The following PLEKHG1 variants were observed in gnomAD, a reference collection of about 807,000 sequenced individuals.
PLEKHG1 encodes the protein pleckstrin homology and RhoGEF domain containing G1.
In PLEKHG1, 44 loss-of-function variants were observed where a neutral mutation model predicts 100.8. That is an observed-to-expected ratio of 0.44 (90% CI 0.34 to 0.56). PLEKHG1 has a LOEUF of 0.56. PLEKHG1 is among the 20% of genes least tolerant of loss of function. The pLI is 0.01. For synonymous variants in PLEKHG1, 640 were observed against 662.5 expected (o/e 0.97, Z 0.52); for missense variants, 1,545 against 1,720.9 (o/e 0.90, Z 1.81).
rs748026867 is a variant in PLEKHG1 at position 150,831,476 on chromosome 6, A to G, written c.2365A>G (p.Ser789Gly). 1 of 1,614,146 alleles carries G rather than the reference A, an allele frequency of 6.2e-7. No individual in the cohort carries two copies. The highest frequency in any genetic ancestry group is 1.1e-5 in the South Asian group (1 of 91,082). Residue 789 changes from serine (S) to glycine (G), a missense_variant, in exon 15 of 16, where the codon AGC becomes GGC. By Grantham distance (56) the Ser-to-Gly change is moderately conservative. Coordinates refer to ENST00000358517, the Ensembl canonical transcript of PLEKHG1. The surrounding 1 kb of genome is among the most constrained non-coding windows in gnomAD (Gnocchi z 4.1). ...CCTGAGGCCATTTGTTTCCCAAGAC[A>G]GCCTCCAGCTCAGTGAGGACGAAGC...
At chr6:150,672,910 ACT>A (rs1233950938) in intron 3 of PLEKHG1, among the ~76,000 whole-genome samples, 4 of 152,008 alleles carry the variant, frequency 2.6e-5, no homozygotes, top group African/African-American at 4.8e-5. Context: ...CTGCATATCA[ACT>A]CTCTGCTTAT....
intron 3 of PLEKHG1, among the ~76,000 whole-genome samples, chr6:150,772,235 T>C (rs1784747127): frequency 1.3e-5 from 2 of 152,236 alleles, no homozygotes; most frequent in Admixed American, 1.3e-4. Flanking sequence ...TGTGCAGAAT[T>C]GGCTCAGGGA....
At chr6:150,816,716 A>C (rs905204749) in intron 10 of PLEKHG1, among the ~76,000 whole-genome samples, 4 of 152,134 alleles carry the variant, frequency 2.6e-5, no homozygotes, top group Admixed American at 6.6e-5. Flanking sequence ...GATGCAGCTT[A>C]ATTGCTCCTT....
chr6:150,632,546 C>G (rs1314912260), intron 1 of PLEKHG1, among the ~76,000 whole-genome samples: 1 of 152,248 alleles, frequency 6.6e-6, no homozygotes, highest in Non-Finnish European at 1.5e-5. Flanking sequence ...ATTGGCCATA[C>G]CCCTCTACCT....
chr6:150,781,129 C>T (rs1432143799), intron 3 of PLEKHG1, among the ~76,000 whole-genome samples: 2 of 150,354 alleles, frequency 1.3e-5, no homozygotes, highest in Middle Eastern at 3.4e-3. Flanking sequence ...CCTGCCTCGG[C>T]CTCCCAAAGT....
chr6:150,716,959 C>T (rs1781469273), upstream of PLEKHG1, among the ~76,000 whole-genome samples: 1 of 152,140 alleles, frequency 6.6e-6, no homozygotes, highest in African/African-American at 2.4e-5. Flanking sequence ...TCAAGCCATG[C>T]TCCGACCTCA....
intron 3 of PLEKHG1, among the ~76,000 whole-genome samples, chr6:150,710,827 T>C (rs987794379): frequency 3.9e-5 from 6 of 152,100 alleles, no homozygotes; most frequent in African/African-American, 7.2e-5. Context: ...TTCTCAACCT[T>C]CAGATGTCAG....
chr6:150,623,586 A>G (rs1777396715), intron 1 of PLEKHG1, among the ~76,000 whole-genome samples: 1 of 152,216 alleles, frequency 6.6e-6, no homozygotes, highest in Non-Finnish European at 1.5e-5. Flanking sequence ...CTTCTAATCC[A>G]GTGTTCAGCC....
intron 1 of PLEKHG1, among the ~76,000 whole-genome samples, chr6:150,628,527 A>AACACAC (rs565121317): frequency 0.12 from 10,907 of 94,650 alleles, 739 homozygotes; most frequent in Middle Eastern, 0.14. Context: ...TAGATAGGAA[A>AACACAC]ACACACACAC....
intron 6 of PLEKHG1, among the ~76,000 whole-genome samples, chr6:150,803,098 C>G (rs1405578913): frequency 6.6e-6 from 1 of 152,144 alleles, no homozygotes; most frequent in African/African-American, 2.4e-5. Flanking sequence ...TTAAATTTGC[C>G]ATCTAGGATC....
intron 2 of PLEKHG1, among the ~76,000 whole-genome samples, chr6:150,753,927 A>G (rs528485877): frequency 1.3e-5 from 2 of 152,336 alleles, no homozygotes; most frequent in South Asian, 2.1e-4. Flanking sequence ...TGCTCTGCAC[A>G]TTGCTCATTT....
chr6:150,788,227 A>C (rs1259084547), intron 4 of PLEKHG1, among the ~76,000 whole-genome samples: 3 of 152,282 alleles, frequency 2.0e-5, no homozygotes, highest in Admixed American at 1.3e-4. Flanking sequence ...TTTCGCATGG[A>C]AACAGGGAAT....
intron 2 of PLEKHG1, among the ~76,000 whole-genome samples, chr6:150,639,045 T>A (rs1391125207): frequency 6.6e-6 from 1 of 152,226 alleles, no homozygotes; most frequent in East Asian, 1.9e-4. Context: ...GCCCATTTCT[T>A]TTGGGAAGGC....
At chr6:150,604,710 G>A (rs988371335) in intron 1 of PLEKHG1, among the ~76,000 whole-genome samples, 1 of 152,136 alleles carries the variant, frequency 6.6e-6, no homozygotes, top group African/African-American at 2.4e-5. Context: ...TTTGCCCTGG[G>A]GCTAGAAGTC....
At chr6:150,838,320 C>A (rs968363878) in intron 15 of PLEKHG1, among the ~76,000 whole-genome samples, 1 of 152,190 alleles carries the variant, frequency 6.6e-6, no homozygotes, top group Non-Finnish European at 1.5e-5. Context: ...ACCTATGGCC[C>A]ACAGCTGCAT....
At chr6:150,787,579 G>A (rs1284732908) in intron 4 of PLEKHG1, among the ~76,000 whole-genome samples, 1 of 152,208 alleles carries the variant, frequency 6.6e-6, no homozygotes, top group Non-Finnish European at 1.5e-5. Flanking sequence ...AGTTCATGAT[G>A]GCGCTTTGAG....
chr6:150,709,194 A>T (rs1175732456), intron 3 of PLEKHG1, among the ~76,000 whole-genome samples: 1 of 152,214 alleles, frequency 6.6e-6, no homozygotes, highest in East Asian at 1.9e-4. Flanking sequence ...TTAGCCGGGC[A>T]TGGTGGTGGG....
intron 6 of PLEKHG1, 92 bp downstream of exon 7, chr6:150,800,961 G>A (rs1329653773): frequency 2.0e-6 from 2 of 1,003,768 alleles, no homozygotes; most frequent in African/African-American, 3.2e-5. Context: ...AAATGCTATG[G>A]ACATATGGAA....
At position 150,821,250 on chromosome 6, in the gene PLEKHG1, A is replaced by G; in HGVS notation, c.1447+17A>G. ...AGACCAGTGGTAAGTCGTAAAATATATTTTCCTGTTTCATTCTTGTTGATA... is the reference window on the plus strand; with the variant it reads ...AGACCAGTGGTAAGTCGTAAAATATGTTTTCCTGTTTCATTCTTGTTGATA... On this transcript the variant is annotated intron_variant, in intron 13 of 15. Coordinates refer to ENST00000358517, the Ensembl canonical transcript of PLEKHG1. The G allele has an allele frequency of 6.4e-7, 1 of 1,573,156 alleles. No homozygotes were observed. Among genetic ancestry groups the G allele is most frequent in the Admixed American group, 1.7e-5 (1 of 59,882 alleles).
Sources: allele counts gnomAD v4.1 joint callset (sites outside exome capture counted in the v4.1 genomes callset), GRCh38; gene constraint gnomAD v4.1.1; non-coding constraint Gnocchi (gnomAD v3.1); transcripts MANE v1.5; gene names NCBI Gene and HGNC (gene_info 2026-07-23, HGNC 2026-07-21).